Variants in HACD2 observed in about 807,000 individuals in gnomAD.
The protein encoded by HACD2 is very-long-chain (3R)-3-hydroxyacyl-CoA dehydratase 2.
Under a neutral mutation model 31.0 loss-of-function variants are expected in HACD2, and 15 were observed. That is an observed-to-expected ratio of 0.48 (90% CI 0.32 to 0.75). HACD2 has a LOEUF of 0.75. Among genes scored for constraint, HACD2 ranks in the 30% least tolerant of loss-of-function variants. HACD2 has a pLI of 0.03. For missense variants in HACD2, 283 were observed against 313.0 expected, an observed-to-expected ratio of 0.90 and a Z score of 0.72; for synonymous variants, 115 against 122.2, an observed-to-expected ratio of 0.94 and a Z score of 0.39.
intron 3 of HACD2, among the ~76,000 whole-genome samples, chr3:123,556,671 A>C (rs1234737083): frequency 6.6e-6 from 1 of 152,164 alleles, no homozygotes; most frequent in Non-Finnish European, 1.5e-5. Context: ...AAGAATCAAA[A>C]GACAAGCCCC....
In HACD2 at chr3:123,492,210, T is replaced by A. The variant is rs2055772379; in HGVS notation, c.*2678A>T. ...TAGCAGTCTGTGCTGACAAAAGCAC[T>A]ACTGCGGACCTCAAAGAATTCTCTG... On this transcript the variant is annotated 3_prime_UTR_variant, in exon 7 of 7. Coordinates refer to ENST00000383657, the MANE Select transcript of HACD2 (RefSeq NM_198402.5). 1 of 152,254 alleles carries A rather than the reference T, an allele frequency of 6.6e-6. No individual in the cohort carries two copies. 9.4% of individuals were successfully genotyped at this position (152,254 alleles called of 1,614,324 possible).
chr3:123,504,089 A>G (rs2107683128), intron 4 of HACD2, among the ~76,000 whole-genome samples: 1 of 152,338 alleles, frequency 6.6e-6, no homozygotes, highest in Middle Eastern at 3.4e-3. Flanking sequence ...CTCTCATATT[A>G]GCCAAAGAAA....
intron 2 of HACD2, among the ~76,000 whole-genome samples, chr3:123,574,256 C>G (rs1204264289): frequency 5.9e-5 from 9 of 152,196 alleles, no homozygotes; most frequent in Non-Finnish European, 7.3e-5. Flanking sequence ...GCTTCTGCTC[C>G]GAAATCAACT....
intron 3 of HACD2, among the ~76,000 whole-genome samples, chr3:123,530,555 T>C (rs2056346771): frequency 6.6e-6 from 1 of 151,858 alleles, no homozygotes; most frequent in African/African-American, 2.4e-5. Context: ...GTTACAGGCA[T>C]AAGCCACCAT....
intron 4 of HACD2, among the ~76,000 whole-genome samples, chr3:123,525,529 T>C (rs1030960782): frequency 3.3e-5 from 5 of 152,148 alleles, no homozygotes; most frequent in African/African-American, 1.2e-4. Flanking sequence ...AAAGGAAATA[T>C]ACCTCACGTG....
rs73857668 is a variant in HACD2, at chr3:123,560,143, G to C, written c.292+7619C>G. Among the ~76,000 whole-genome samples, 909 of 152,316 alleles carry C rather than the reference G, an allele frequency of 6.0e-3. 9 individuals carry two copies. The highest frequency in any genetic ancestry group is 0.021 in the African/African-American group (883 of 41,560). The stretch of plus-strand genomic sequence containing the variant: ...GAAGCTTTGTGTATCAGGAGCACAA[G>C]ATGCAGGTGCATTTTCTTCTCTCCT... On this transcript the variant is annotated intron_variant, in intron 3 of 6. Transcript: ENST00000383657.
chr3:123,577,205 G>T (rs1316314700), intron 2 of HACD2, among the ~76,000 whole-genome samples: 1 of 152,188 alleles, frequency 6.6e-6, no homozygotes, highest in African/African-American at 2.4e-5. Flanking sequence ...GTCATATACA[G>T]CAATGTACAT....
chr3:123,545,548 TAAAAAAAA>T (rs375205125), intron 3 of HACD2, among the ~76,000 whole-genome samples: 13 of 121,818 alleles, frequency 1.1e-4, no homozygotes, highest in Admixed American at 8.5e-4. Flanking sequence ...CTTTTTACTT[TAAAAAAAA>T]AAAAAAAAAG....
At chr3:123,554,914 T>C (rs2056658321) in intron 3 of HACD2, among the ~76,000 whole-genome samples, 1 of 152,216 alleles carries the variant, frequency 6.6e-6, no homozygotes, top group Admixed American at 6.5e-5. Flanking sequence ...GTTATAAATA[T>C]TTATGCATCA....
At chr3:123,537,464 T>A (rs1284536877) in intron 3 of HACD2, among the ~76,000 whole-genome samples, 1 of 151,478 alleles carries the variant, frequency 6.6e-6, no homozygotes, top group African/African-American at 2.4e-5. Flanking sequence ...GCTACTCAGG[T>A]TGAGGTGGGA....
chr3:123,534,356 C>T (rs2056400494), intron 3 of HACD2, among the ~76,000 whole-genome samples: 2 of 151,782 alleles, frequency 1.3e-5, no homozygotes, highest in South Asian at 2.1e-4. Flanking sequence ...TTCCTGTTAC[C>T]TAGTAATGTC....
chr3:123,494,767 T>G lies in HACD2; in HGVS notation c.*121A>C, dbSNP rs991498477. On this transcript the variant is annotated 3_prime_UTR_variant, in exon 7 of 7. Transcript: ENST00000383657. ...CACTGGATTTTTGTTTTAGTTTTGT[T>G]TGAATATTTTAAAAATAGTTCTTAC... is the stretch of plus-strand genomic sequence containing the variant. 30 of 727,900 alleles carry G rather than the reference T, an allele frequency of 4.1e-5. 1 individual carries two copies. In the Middle Eastern group the frequency reaches 7.8e-4, roughly 19 times the overall value. 45.1% of individuals were successfully genotyped at this position (727,900 alleles called of 1,614,324 possible).
At chr3:123,503,209 G>A (rs1217462276) in intron 4 of HACD2, among the ~76,000 whole-genome samples, 2 of 151,174 alleles carry the variant, frequency 1.3e-5, no homozygotes, top group African/African-American at 4.9e-5. Context: ...AGTTTGCAGT[G>A]AGCCGAGATA....
At chr3:123,520,643 T>C (rs1047013287) in intron 4 of HACD2, among the ~76,000 whole-genome samples, 1 of 152,204 alleles carries the variant, frequency 6.6e-6, no homozygotes, top group Non-Finnish European at 1.5e-5. Context: ...CACCACTGTA[T>C]GGTACTAAAA....
At chr3:123,573,571 G>A (rs2056877256) in intron 2 of HACD2, among the ~76,000 whole-genome samples, 1 of 152,150 alleles carries the variant, frequency 6.6e-6, no homozygotes, top group Non-Finnish European at 1.5e-5. Flanking sequence ...TGAGTGGTGA[G>A]TCTAACTGTG....
At chr3:123,544,327 G>A (rs2056529662) in intron 3 of HACD2, among the ~76,000 whole-genome samples, 1 of 152,096 alleles carries the variant, frequency 6.6e-6, no homozygotes, top group African/African-American at 2.4e-5. Flanking sequence ...CTGGAGAGGT[G>A]GAATATATCT....
intron 2 of HACD2, among the ~76,000 whole-genome samples, chr3:123,578,866 A>G (rs557402343): frequency 3.3e-5 from 5 of 152,314 alleles, no homozygotes; most frequent in African/African-American, 1.2e-4. Context: ...TAATTAAACA[A>G]TACCACACAC....
chr3:123,514,819 T>A (rs2056112962), intron 4 of HACD2, among the ~76,000 whole-genome samples: 1 of 152,238 alleles, frequency 6.6e-6, no homozygotes. Flanking sequence ...ATAGTTCCCA[T>A]TAGCAGGGCT....
At chr3:123,553,071 C>T (rs2056636932) in intron 3 of HACD2, among the ~76,000 whole-genome samples, 1 of 152,098 alleles carries the variant, frequency 6.6e-6, no homozygotes, top group Non-Finnish European at 1.5e-5. Flanking sequence ...ATAACACTTT[C>T]AGAAACAAAA....
Sources: gnomAD v4.1 joint callset for allele counts (sites outside exome capture counted in the v4.1 genomes callset) on GRCh38, gnomAD v4.1.1 for gene constraint, MANE v1.5 for transcripts, NCBI Gene and HGNC (gene_info 2026-07-23, HGNC 2026-07-21) for gene names.